DPP10: variants seen among roughly 807,000 people sequenced by gnomAD.
DPP10 encodes inactive dipeptidyl peptidase 10.
Under a neutral mutation model 120.9 loss-of-function variants are expected in DPP10, and 33 were observed. The ratio of observed to expected loss-of-function variants is 0.27; its 90% CI spans 0.21 to 0.37. DPP10 has a LOEUF of 0.37. DPP10 is among the 10% of genes least tolerant of loss of function. The pLI is 1.00. For missense variants in DPP10, 816 were observed against 942.8 expected, an observed-to-expected ratio of 0.87 and a Z score of 1.76; for synonymous variants, 337 against 326.1, an observed-to-expected ratio of 1.03 and a Z score of -0.36.
chr2:115,429,453 T>C (rs751231108), intron 3 of DPP10, among the ~76,000 whole-genome samples: 1 of 152,162 alleles, frequency 6.6e-6, no homozygotes, highest in Non-Finnish European at 1.5e-5. Flanking sequence ...TTTAAAAATA[T>C]ATAACATTAT....
intron 2 of DPP10, among the ~76,000 whole-genome samples, chr2:115,335,648 A>G (rs1175115939): frequency 6.6e-6 from 1 of 152,128 alleles, no homozygotes; most frequent in Admixed American, 6.6e-5. Context: ...AGATATTTTG[A>G]AAAATCTAGA....
chr2:115,146,803 A>G (rs915606191), intron 1 of DPP10, among the ~76,000 whole-genome samples: 12 of 152,160 alleles, frequency 7.9e-5, no homozygotes, highest in Non-Finnish European at 1.6e-4. Flanking sequence ...AAAACACTTT[A>G]GACAGGTAGC....
At chr2:115,414,302 G>A (rs901141100) in intron 3 of DPP10, among the ~76,000 whole-genome samples, 2 of 152,090 alleles carry the variant, frequency 1.3e-5, no homozygotes, top group Admixed American at 6.6e-5. Flanking sequence ...AAATGTCTGC[G>A]ACAGAGCCGA....
chr2:114,942,997 C>T (rs868377805), intron 1 of DPP10, among the ~76,000 whole-genome samples: 9 of 151,984 alleles, frequency 5.9e-5, no homozygotes, highest in African/African-American at 2.2e-4. Flanking sequence ...TTTGCTGCAC[C>T]CATCAACCCA....
At chr2:115,541,885 CTT>C (rs1360540764) in intron 5 of DPP10, among the ~76,000 whole-genome samples, 1 of 151,618 alleles carries the variant, frequency 6.6e-6, no homozygotes, top group African/African-American at 2.4e-5. Flanking sequence ...GCTAGGGAGA[CTT>C]TTATTTTACA....
intron 19 of DPP10, among the ~76,000 whole-genome samples, chr2:115,810,097 T>C (rs1259526132): frequency 6.6e-6 from 1 of 151,024 alleles, no homozygotes; most frequent in Non-Finnish European, 1.5e-5. Flanking sequence ...GGGAGGCGGA[T>C]CTGGCAGTGA....
chr2:114,891,020 G>C (rs1196070443), intron 1 of DPP10, among the ~76,000 whole-genome samples: 1 of 152,050 alleles, frequency 6.6e-6, no homozygotes, highest in Non-Finnish European at 1.5e-5. Flanking sequence ...CAGCAGTTCT[G>C]GAAAATTGCA....
intron 1 of DPP10, among the ~76,000 whole-genome samples, chr2:114,767,122 CTT>C (rs1680781499): frequency 1.9e-5 from 2 of 104,410 alleles, no homozygotes; most frequent in South Asian, 3.2e-4. Flanking sequence ...AAAAAAAAAG[CTT>C]AAAGCTAAAA....
chr2:115,265,291 A>G (rs1406713444), intron 1 of DPP10, among the ~76,000 whole-genome samples: 1 of 144,334 alleles, frequency 6.9e-6, no homozygotes, highest in Non-Finnish European at 1.5e-5. Flanking sequence ...ATATATATAT[A>G]TGCACACATA....
chr2:115,161,908 G>T, intron 1 of DPP10: 2 of 1,408,216 alleles, frequency 1.4e-6, no homozygotes, highest in South Asian at 1.4e-5. Flanking sequence ...GACGGTCCCC[G>T]AGTCTGAAGC....
At chr2:114,562,274 T>G (rs1379529792) in intron 1 of DPP10, among the ~76,000 whole-genome samples, 2 of 152,228 alleles carry the variant, frequency 1.3e-5, no homozygotes, top group African/African-American at 4.8e-5. Context: ...TGAAGAACAC[T>G]TACCATCATT....
intron 7 of DPP10, among the ~76,000 whole-genome samples, chr2:115,700,885 A>T (rs1472691257): frequency 1.3e-5 from 2 of 152,156 alleles, no homozygotes; most frequent in African/African-American, 4.8e-5. Flanking sequence ...ACTCAGTCAA[A>T]TAGATGAAAG....
At chr2:115,697,835 A>G (rs935138628) in intron 7 of DPP10, among the ~76,000 whole-genome samples, 6 of 152,044 alleles carry the variant, frequency 3.9e-5, no homozygotes, top group Admixed American at 6.6e-5. Context: ...AATACAAAAA[A>G]TTAGCCGGGC....
chr2:115,038,866 G>A (rs1304130242), intron 1 of DPP10, among the ~76,000 whole-genome samples: 2 of 152,146 alleles, frequency 1.3e-5, no homozygotes, highest in Non-Finnish European at 2.9e-5. Context: ...TTTCATCAGA[G>A]CCCTTCCTTT....
intron 3 of DPP10, among the ~76,000 whole-genome samples, chr2:115,437,565 T>C (rs1007827784): frequency 6.6e-6 from 1 of 152,086 alleles, no homozygotes; most frequent in African/African-American, 2.4e-5. Context: ...AAGTTATTTA[T>C]GACAGTTTCA....
chr2:115,564,362 A>G (rs1384786279), intron 5 of DPP10, among the ~76,000 whole-genome samples: 4 of 152,088 alleles, frequency 2.6e-5, no homozygotes, highest in Admixed American at 2.6e-4. Context: ...TAAACTATTA[A>G]CAAGTGTTAA....
intron 3 of DPP10, among the ~76,000 whole-genome samples, chr2:115,368,264 A>G (rs1407203876): frequency 1.3e-5 from 2 of 152,086 alleles, no homozygotes; most frequent in East Asian, 3.9e-4. Flanking sequence ...GGAAGTCTAC[A>G]GTGTGCCATA....
At chr2:115,422,498 C>G (rs2070068456) in intron 3 of DPP10, among the ~76,000 whole-genome samples, 1 of 152,114 alleles carries the variant, frequency 6.6e-6, no homozygotes, top group Admixed American at 6.5e-5. Flanking sequence ...TCAAGATAAG[C>G]AAAGATTATT....
intron 1 of DPP10, among the ~76,000 whole-genome samples, chr2:114,641,334 A>C (rs755208902): frequency 2.0e-5 from 3 of 151,826 alleles, no homozygotes; most frequent in Non-Finnish European, 4.4e-5. Flanking sequence ...ATTGCTTTCC[A>C]TATTCGTGGC....
Sources: gnomAD v4.1 joint callset for allele counts (sites outside exome capture counted in the v4.1 genomes callset) on GRCh38, gnomAD v4.1.1 for gene constraint, MANE v1.5 for transcripts, NCBI Gene and HGNC (gene_info 2026-07-23, HGNC 2026-07-21) for gene names.